The following VTI1A variants were observed in gnomAD, a reference collection of about 807,000 sequenced individuals.
The protein encoded by VTI1A is vesicle transport through interaction with t-SNAREs homolog 1A.
In VTI1A, 22 loss-of-function variants were observed where a neutral mutation model predicts 34.9. The observed-to-expected ratio is 0.63, with a 90% confidence interval of 0.45 to 0.90. The LOEUF (loss-of-function observed/expected upper bound fraction) is 0.90. Among genes scored for constraint, VTI1A ranks in the 40% least tolerant of loss-of-function variants. VTI1A has a pLI of 0.00. For synonymous variants in VTI1A, 87 were observed against 97.3 expected (o/e 0.89, Z 0.62); for missense variants, 268 against 275.6 (o/e 0.97, Z 0.20).
intron 7 of VTI1A, among the ~76,000 whole-genome samples, chr10:112,810,788 G>T (rs1384897778): frequency 2.0e-5 from 3 of 152,180 alleles, no homozygotes; most frequent in African/African-American, 7.2e-5. Flanking sequence ...GGAAGCGGAT[G>T]CCTGGCTAGG....
chr10:112,559,410 G>A (rs923576963), intron 5 of VTI1A, among the ~76,000 whole-genome samples: 1 of 152,140 alleles, frequency 6.6e-6, no homozygotes, highest in Admixed American at 6.5e-5. Flanking sequence ...GTATAATTCT[G>A]TAGGGCTTCA....
At chr10:112,588,830 A>G (rs1006883771) in intron 5 of VTI1A, among the ~76,000 whole-genome samples, 1 of 152,114 alleles carries the variant, frequency 6.6e-6, no homozygotes, top group Admixed American at 6.5e-5. Flanking sequence ...TCACTGTGTC[A>G]TGGCTTTATT....
intron 5 of VTI1A, among the ~76,000 whole-genome samples, chr10:112,662,389 A>G (rs568865762): frequency 2.0e-5 from 3 of 152,252 alleles, no homozygotes; most frequent in South Asian, 4.1e-4. Flanking sequence ...AATTTCTATT[A>G]ACTATGTTCA....
At chr10:112,821,505 G>A (rs1037079257), downstream of VTI1A, among the ~76,000 whole-genome samples, 1 of 152,210 alleles carries the variant, frequency 6.6e-6, no homozygotes, top group Non-Finnish European at 1.5e-5. Context: ...AGGCCCCACA[G>A]AGTTGAGAAT....
At chr10:112,794,388 G>A (rs1003026490) in intron 7 of VTI1A, among the ~76,000 whole-genome samples, 1 of 151,892 alleles carries the variant, frequency 6.6e-6, no homozygotes, top group Non-Finnish European at 1.5e-5. Context: ...AGACCCCATT[G>A]CTACAAAAAA....
At position 112,522,407 on chromosome 10, in the gene VTI1A, A is replaced by G. The variant is rs1192425864; in HGVS notation, c.265-4680A>G. ...TGTTCTTTCATTACTTACCAAAACC[A>G]TACTGCACTCTGTATCAATTATTTG... On this transcript the variant is annotated intron_variant, in intron 3 of 7. Transcript: ENST00000393077. Among the ~76,000 whole-genome samples the G allele has an allele frequency of 2.0e-5, 3 of 152,212 alleles. No individual in the cohort carries two copies. In the South Asian group the frequency reaches 6.2e-4, roughly 32 times the overall value.
At chr10:112,823,309 A>AT (rs1223297554), downstream of VTI1A, among the ~76,000 whole-genome samples, 1 of 152,010 alleles carries the variant, frequency 6.6e-6, no homozygotes, top group African/African-American at 2.4e-5. Context: ...GACTTGGAGG[A>AT]TTTTTTCCTC....
At chr10:112,622,249 G>A (rs548298084) in intron 5 of VTI1A, among the ~76,000 whole-genome samples, 266 of 152,210 alleles carry the variant, frequency 1.7e-3, no homozygotes, top group African/African-American at 6.1e-3. Flanking sequence ...CCCTGAAAGG[G>A]GTGTCAGAAT....
chr10:112,514,291 G>T (rs937166364), intron 3 of VTI1A, among the ~76,000 whole-genome samples: 4 of 151,648 alleles, frequency 2.6e-5, no homozygotes, highest in Non-Finnish European at 4.4e-5. Context: ...CAATTTGTTG[G>T]CATATAATTG....
At chr10:112,713,897 T>G (rs1015162093) in intron 7 of VTI1A, among the ~76,000 whole-genome samples, 2 of 152,186 alleles carry the variant, frequency 1.3e-5, no homozygotes, top group African/African-American at 4.8e-5. Context: ...AATAATTTTT[T>G]TGTGGCACAT....
At chr10:112,616,006 A>T (rs1310585433) in intron 5 of VTI1A, among the ~76,000 whole-genome samples, 2 of 152,200 alleles carry the variant, frequency 1.3e-5, no homozygotes, top group Middle Eastern at 3.2e-3. Context: ...AAATGAGAGG[A>T]TTAAGCATCA....
the VTI1A span, among the ~76,000 whole-genome samples, chr10:112,847,202 G>A: frequency 1.4e-4 from 22 of 152,076 alleles, no homozygotes; most frequent in Admixed American, 5.2e-4. Flanking sequence ...CTCCAGCTGC[G>A]GGGTCTCTCC....
chr10:112,698,046 T>C (rs1006400273), intron 7 of VTI1A, among the ~76,000 whole-genome samples: 2 of 152,212 alleles, frequency 1.3e-5, no homozygotes, highest in Non-Finnish European at 2.9e-5. Flanking sequence ...AATGGAAGCC[T>C]ACAGCAGCAA....
chr10:112,854,367 C>T, the VTI1A span, among the ~76,000 whole-genome samples: 1 of 152,162 alleles, frequency 6.6e-6, no homozygotes, highest in South Asian at 2.1e-4. Context: ...TTGATCAAGA[C>T]CACACAATTA....
At chr10:112,579,023 T>C (rs549930351) in intron 5 of VTI1A, among the ~76,000 whole-genome samples, 1 of 152,362 alleles carries the variant, frequency 6.6e-6, no homozygotes, top group Admixed American at 6.5e-5. Context: ...AATATGAGTT[T>C]AATTGTCATC....
At chr10:112,744,472 T>TC (rs1850815540) in intron 7 of VTI1A, among the ~76,000 whole-genome samples, 1 of 150,088 alleles carries the variant, frequency 6.7e-6, no homozygotes, top group Admixed American at 6.6e-5. Context: ...TTTTTTTTTT[T>TC]TTTTTTGAGA....
chr10:112,652,712 G>A (rs1847081796), intron 5 of VTI1A, among the ~76,000 whole-genome samples: 1 of 95,306 alleles, frequency 1.0e-5, no homozygotes, highest in Non-Finnish European at 2.0e-5. Context: ...GGGCAACAGA[G>A]TGAGACCTTG....
intron 3 of VTI1A, among the ~76,000 whole-genome samples, chr10:112,484,640 T>C (rs574772086): frequency 6.6e-6 from 1 of 152,254 alleles, no homozygotes; most frequent in South Asian, 2.1e-4. Flanking sequence ...CAACCAGTTA[T>C]GAGATCTTCA....
intron 1 of VTI1A, among the ~76,000 whole-genome samples, chr10:112,450,887 T>C (rs1847212507): frequency 6.6e-6 from 1 of 152,222 alleles, no homozygotes; most frequent in South Asian, 2.1e-4. Flanking sequence ...AGTACTTTAT[T>C]GTGAAGTTCC....
Sources: gnomAD v4.1 joint callset for allele counts (sites outside exome capture counted in the v4.1 genomes callset) on GRCh38, gnomAD v4.1.1 for gene constraint, MANE v1.5 for transcripts, NCBI Gene and HGNC (gene_info 2026-07-23, HGNC 2026-07-21) for gene names.